The following ARPC5L variants were observed in gnomAD, a reference collection of about 807,000 sequenced individuals.
ARPC5L encodes actin related protein 2/3 complex subunit 5 like.
In ARPC5L, 4 loss-of-function variants were observed where a neutral mutation model predicts 16.9. The ratio of observed to expected loss-of-function variants is 0.24; its 90% confidence interval spans 0.12 to 0.54. The LOEUF (loss-of-function observed/expected upper bound fraction) is 0.54. Ranked by LOEUF, ARPC5L falls within the 20% of genes least tolerant of loss-of-function variation. The pLI is 0.95. For synonymous variants in ARPC5L, 78 were observed against 82.6 expected (o/e 0.94, Z 0.30); for missense variants, 151 against 201.9 (o/e 0.75, Z 1.53).
At chr9:124,868,192 C>G (rs1171105780) in intron 2 of ARPC5L, among the ~76,000 whole-genome samples, 5 of 152,032 alleles carry the variant, frequency 3.3e-5, no homozygotes, top group Admixed American at 3.3e-4. Context: ...TCTTTAGACA[C>G]AGTTCAATGA....
chr9:124,873,434 A>G (rs10986471), intron 3 of ARPC5L: 317,035 of 523,042 alleles, frequency 0.61, 97,465 homozygotes, highest in Admixed American at 0.67. Flanking sequence ...TTTTACATCA[A>G]GTTACCCCTC....
At chr9:124,866,589 C>T (rs539617397) in intron 2 of ARPC5L, among the ~76,000 whole-genome samples, 36 of 152,090 alleles carry the variant, frequency 2.4e-4, no homozygotes, top group East Asian at 3.9e-4. Context: ...GGCATGGTGG[C>T]GCATGCCTGT....
At position 124,877,348 on chromosome 9, in the gene ARPC5L, G is replaced by A. The variant is rs1158224679; in HGVS notation, c.*408G>A. On this transcript the variant is annotated 3_prime_UTR_variant, in exon 6 of 6. Coordinates refer to ENST00000353214, the MANE Select transcript of ARPC5L (RefSeq NM_030978.3). ...CAGACATCCTGTCTTCCCAGAGAAG[G>A]TGGACACTCTTGGGCTCATTGTAAA... The A allele has an allele frequency of 5.2e-6, 1 of 192,810 alleles. No individual in the cohort carries two copies. The highest frequency in any genetic ancestry group is 1.1e-5 in the Non-Finnish European group (1 of 94,920). 11.9% of individuals were successfully genotyped at this position (192,810 alleles called of 1,614,324 possible). A position where few individuals can be genotyped will look rare whatever the true frequency, so the allele number is the denominator to read the frequency against.
chr9:124,866,484 G>A (rs1454524445), intron 2 of ARPC5L, among the ~76,000 whole-genome samples: 1 of 151,520 alleles, frequency 6.6e-6, no homozygotes, highest in Non-Finnish European at 1.5e-5. Flanking sequence ...CACTTTGGGA[G>A]GCCGAGGTGG....
chr9:124,867,907 T>G (rs1829295157), intron 2 of ARPC5L, among the ~76,000 whole-genome samples: 1 of 151,636 alleles, frequency 6.6e-6, no homozygotes, highest in Non-Finnish European at 1.5e-5. Flanking sequence ...CCTACCGGTT[T>G]CAAGCGATTC....
In ARPC5L at chr9:124,875,052, G is replaced by A. The variant is rs755104908; in HGVS notation, c.300G>A (p.Leu100=). 27 of 1,614,090 alleles carry A rather than the reference G, an allele frequency of 1.7e-5. No homozygotes were observed. The highest frequency in any genetic ancestry group is 2.1e-5 in the Non-Finnish European group (25 of 1,179,932). The part of the protein sequence containing the change: ...SSEIEQAVQS[L]DRNGVDLLMK... Reference sequence around the variant, plus strand: ...AGATTGAGCAGGCTGTGCAGTCACTGGACAGAAACGGCGTTGACTTGTTAA... The same window carrying A: ...AGATTGAGCAGGCTGTGCAGTCACTAGACAGAAACGGCGTTGACTTGTTAA... Residue 100 remains leucine, a synonymous_variant, in exon 5 of 6, where the codon CTG becomes CTA. Coordinates refer to ENST00000353214, the MANE Select transcript of ARPC5L (RefSeq NM_030978.3).
Position 124,875,049 on chromosome 9 carries a change from A to C in ARPC5L, c.297A>C (p.Ser99=). Residue 99 remains serine (S), a synonymous_variant, in exon 5 of 6, where the codon TCA becomes TCC. Coordinates refer to ENST00000353214, the MANE Select transcript of ARPC5L (RefSeq NM_030978.3). ...GTGAGATTGAGCAGGCTGTGCAGTCACTGGACAGAAACGGCGTTGACTTGT... is the reference window on the plus strand; with the variant it reads ...GTGAGATTGAGCAGGCTGTGCAGTCCCTGGACAGAAACGGCGTTGACTTGT... ...KSSEIEQAVQ[S]LDRNGVDLLM... 6.2e-7 allele frequency: 1 copy of C among 1,614,094 alleles called. No homozygotes were observed. Among genetic ancestry groups the C allele is most frequent in the Non-Finnish European group, 8.5e-7 (1 of 1,179,932 alleles).
Position 124,876,957 on chromosome 9 carries a change from C to CA in ARPC5L, c.*18dup, listed in dbSNP as rs1588046913. 2.5e-6 allele frequency: 4 copies of CA among 1,601,070 alleles called. No homozygotes were observed. In the East Asian group the frequency reaches 8.9e-5, roughly 36 times the overall value. On this transcript the variant is annotated 3_prime_UTR_variant, in exon 6 of 6. Coordinates refer to ENST00000353214, the MANE Select transcript of ARPC5L (RefSeq NM_030978.3). ...ACTGTTTAAAAAAAATAAAAAGACT[C>CA]ATGTTACCTTGAGAAGAATTCTGGA...
chr9:124,863,150 A>G (rs536654349), intron 1 of ARPC5L, among the ~76,000 whole-genome samples: 8 of 151,442 alleles, frequency 5.3e-5, no homozygotes, highest in African/African-American at 1.9e-4. Flanking sequence ...TTTTATTTTT[A>G]TTTTATTTTT....
rs979004869 is a variant in ARPC5L, at chr9:124,862,158, G to A, written c.-1224G>A. 1 of 472,332 alleles carries A rather than the reference G, an allele frequency of 2.1e-6. No homozygotes were observed. The highest frequency in any genetic ancestry group is 2.0e-5 in the African/African-American group (1 of 48,972). 29.3% of individuals were successfully genotyped at this position (472,332 alleles called of 1,614,324 possible). A position where few individuals can be genotyped will look rare whatever the true frequency, so the allele number is the denominator to read the frequency against. ...CACGGCACCCCTGATAGCGAGGTCG[G>A]CGTCACGGTGTAGGCGCGCAGTTGG... On this transcript the variant is annotated 5_prime_UTR_variant, in exon 1 of 6. Transcript: ENST00000353214.
At chr9:124,874,005 C>T (rs959578852) in intron 4 of ARPC5L, among the ~76,000 whole-genome samples, 1 of 152,232 alleles carries the variant, frequency 6.6e-6, no homozygotes, top group African/African-American at 2.4e-5. Flanking sequence ...GCCTCGTAGG[C>T]TGAGAAGTCA....
intron 4 of ARPC5L, among the ~76,000 whole-genome samples, chr9:124,874,285 C>T (rs1017248520): frequency 6.6e-6 from 1 of 152,186 alleles, no homozygotes; most frequent in African/African-American, 2.4e-5. Context: ...GGGGAATGGC[C>T]CCACCCTTCT....
intron 5 of ARPC5L, among the ~76,000 whole-genome samples, chr9:124,875,778 C>T (rs747204703): frequency 3.9e-5 from 6 of 152,192 alleles, no homozygotes; most frequent in Non-Finnish European, 5.9e-5. Flanking sequence ...CCCCTAGTGC[C>T]GCAGTAAGCA....
At chr9:124,864,467 T>C (rs543732936) in intron 2 of ARPC5L, among the ~76,000 whole-genome samples, 18 of 152,222 alleles carry the variant, frequency 1.2e-4, no homozygotes, top group African/African-American at 4.3e-4. Context: ...GTTCAAGCGA[T>C]TCTCCTGCCT....
In ARPC5L at chr9:124,877,609, C is replaced by T. The variant is rs1261280699; in HGVS notation, c.*669C>T. ...ACGCCAGCCTCGGCCTCAGAGCTGC[C>T]GGCTGCTGCAGAGAGGTGTTTGCTG... On this transcript the variant is annotated 3_prime_UTR_variant, in exon 6 of 6. Transcript: ENST00000353214. The T allele has an allele frequency of 6.6e-6, 1 of 152,284 alleles. No individual in the cohort carries two copies. The highest frequency in any genetic ancestry group is 2.4e-5 in the African/African-American group (1 of 41,438). 9.4% of individuals were successfully genotyped at this position (152,284 alleles called of 1,614,324 possible).
Position 124,869,167 on chromosome 9 carries a change from T to G in ARPC5L, c.-124T>G, listed in dbSNP as rs1457666898. 1.3e-4 allele frequency: 129 copies of G among 976,280 alleles called. No homozygotes were observed. The highest frequency in any genetic ancestry group is 1.5e-4 in the Non-Finnish European group (112 of 745,028). 60.5% of individuals were successfully genotyped at this position (976,280 alleles called of 1,614,324 possible). A position where few individuals can be genotyped will look rare whatever the true frequency, so the allele number is the denominator to read the frequency against. On this transcript the variant is annotated 5_prime_UTR_variant, in exon 3 of 6. Transcript: ENST00000353214. ...CGGCGGCGGCTGCGCGCGGAGGCGG[T>G]GGAGGAGGTGCTGGGAGCAGCCGGG...
chr9:124,873,587 A>G (rs1350597438), intron 3 of ARPC5L, 105 bp from the exon 4 acceptor site: 2 of 1,306,684 alleles, frequency 1.5e-6, no homozygotes, highest in Non-Finnish European at 2.2e-6. Context: ...GGTGGTATGG[A>G]TGAGATCCCA....
chr9:124,873,639 A>G, intron 3 of ARPC5L, 53 bp from the exon 4 acceptor site: 3 of 1,600,622 alleles, frequency 1.9e-6, no homozygotes, highest in Non-Finnish European at 2.6e-6. Flanking sequence ...GAGCTTGTTC[A>G]TGACGGCATG....
intron 3 of ARPC5L, 85 bp from the exon 4 acceptor site, chr9:124,873,607 G>T: frequency 6.7e-7 from 1 of 1,487,780 alleles, no homozygotes; most frequent in South Asian, 1.1e-5. Context: ...ATCTGACTCT[G>T]TTCCTGAGCT....
Sources: gnomAD v4.1 joint callset for allele counts (sites outside exome capture counted in the v4.1 genomes callset) on GRCh38, gnomAD v4.1.1 for gene constraint, MANE v1.5 for transcripts, NCBI Gene and HGNC (gene_info 2026-07-23, HGNC 2026-07-21) for gene names.